SMAD2: variants seen among roughly 807,000 people sequenced by gnomAD.
SMAD2 encodes the protein MAD homolog 2.
A neutral mutation model predicts 64.4 loss-of-function variants in SMAD2; 8 were observed. The observed-to-expected ratio is 0.12, with a 90% confidence interval of 0.07 to 0.22. The LOEUF (loss-of-function observed/expected upper bound fraction) is 0.22. Among genes scored for constraint, SMAD2 ranks in the 10% least tolerant of loss-of-function variants. The probability of loss-of-function intolerance (pLI) is 1.00; values close to 1 mark genes in which losing one functional copy is unlikely to be tolerated. For missense variants in SMAD2, 289 were observed against 561.2 expected (o/e 0.51, Z 4.90); for synonymous variants, 203 against 195.8 (o/e 1.04, Z -0.31).
chr18:47,906,746 G>A (rs1229036126), intron 1 of SMAD2, among the ~76,000 whole-genome samples: 1 of 152,068 alleles, frequency 6.6e-6, no homozygotes, highest in African/African-American at 2.4e-5. Context: ...GCTTCTAGTG[G>A]TTACCTGTAG....
At position 47,829,919 on chromosome 18, in the gene SMAD2, AG is replaced by A. The variant is rs1432523723; in HGVS notation, c.*11907del. ...AAATTTTGTCAGTGGTTTTCATTTTAGAATTAAAAATTTGAATTTCCCTTTG... is the reference window on the plus strand; with the variant it reads ...AAATTTTGTCAGTGGTTTTCATTTTAAATTAAAAATTTGAATTTCCCTTTG... On this transcript the variant is annotated 3_prime_UTR_variant, in exon 11 of 11. Coordinates refer to ENST00000262160, the MANE Select transcript of SMAD2 (RefSeq NM_005901.6). 23 of 152,244 alleles carry A rather than the reference AG, an allele frequency of 1.5e-4. No homozygotes were observed. The highest frequency in any genetic ancestry group is 2.5e-4 in the Non-Finnish European group (17 of 68,044). 9.4% of individuals were successfully genotyped at this position (152,244 alleles called of 1,614,324 possible). A position where few individuals can be genotyped will look rare whatever the true frequency, so the allele number is the denominator to read the frequency against.
rs1354341910 is a variant in SMAD2, at chr18:47,836,017, G to A, written c.*5810C>T. 3 of 213,040 alleles carry A rather than the reference G, an allele frequency of 1.4e-5. No homozygotes were observed. Among genetic ancestry groups the A allele is most frequent in the Non-Finnish European group, 1.9e-5 (2 of 105,476 alleles). 13.2% of individuals were successfully genotyped at this position (213,040 alleles called of 1,614,324 possible). On this transcript the variant is annotated 3_prime_UTR_variant, in exon 11 of 11. Coordinates refer to ENST00000262160, the MANE Select transcript of SMAD2 (RefSeq NM_005901.6). ...GGGACTCTTATATCTAAGCAATGGT[G>A]AAGTTCTGGATTCATTATGGATCTC...
At chr18:47,902,094 A>G (rs2033708137) in intron 1 of SMAD2, among the ~76,000 whole-genome samples, 1 of 152,144 alleles carries the variant, frequency 6.6e-6, no homozygotes, top group Non-Finnish European at 1.5e-5. Context: ...AGAATTTAGG[A>G]ATATACTGAG....
chr18:47,872,704 C>A (rs777746486), intron 2 of SMAD2, among the ~76,000 whole-genome samples: 1 of 151,982 alleles, frequency 6.6e-6, no homozygotes, highest in South Asian at 2.1e-4. Context: ...ACTGCACATG[C>A]GAGGGCTTTA....
intron 2 of SMAD2, among the ~76,000 whole-genome samples, chr18:47,888,866 T>G (rs1379633467): frequency 6.6e-6 from 1 of 152,054 alleles, no homozygotes; most frequent in Admixed American, 6.6e-5. Context: ...CAACAGATGA[T>G]CCAGACATTA....
At chr18:47,876,380 A>C (rs1201262990) in intron 2 of SMAD2, among the ~76,000 whole-genome samples, 2 of 152,066 alleles carry the variant, frequency 1.3e-5, no homozygotes, top group African/African-American at 4.8e-5. Flanking sequence ...ACTAACTACA[A>C]TGATGTCCCT....
At chr18:47,890,037 T>C (rs2033117471) in intron 2 of SMAD2, among the ~76,000 whole-genome samples, 1 of 152,136 alleles carries the variant, frequency 6.6e-6, no homozygotes, top group South Asian at 2.1e-4. Flanking sequence ...ATAAGGTAAG[T>C]GATAAAAATG....
At chr18:47,862,131 T>C (rs559405498) in intron 6 of SMAD2, among the ~76,000 whole-genome samples, 2 of 152,322 alleles carry the variant, frequency 1.3e-5, no homozygotes, top group South Asian at 2.1e-4. Flanking sequence ...AAAATTAAAA[T>C]GTATTTTCTA....
At chr18:47,869,547 G>A in intron 3 of SMAD2, 111 bp from the exon 4 acceptor site, 1 of 772,520 alleles carries the variant, frequency 1.3e-6, no homozygotes. Context: ...AAGAATGACA[G>A]CCATTTAGTT....
At chr18:47,880,467 A>T (rs932539307) in intron 2 of SMAD2, among the ~76,000 whole-genome samples, 5 of 152,168 alleles carry the variant, frequency 3.3e-5, no homozygotes, top group Non-Finnish European at 5.9e-5. Context: ...ATGTGGGGCT[A>T]TCTTATCTGT....
intron 10 of SMAD2, among the ~76,000 whole-genome samples, chr18:47,844,466 T>C (rs1914295735): frequency 6.6e-6 from 1 of 151,948 alleles, no homozygotes; most frequent in South Asian, 2.1e-4. Flanking sequence ...CTTCTCTCTC[T>C]TTGATGTGAA....
rs867785208 is a variant in SMAD2, at chr18:47,885,152, C to T, written c.236+11369G>A. 1.1e-3 allele frequency among the ~76,000 whole-genome samples: 167 copies of T among 149,354 alleles called. 3 individuals carry two copies. The highest frequency in any genetic ancestry group is 2.3e-3 in the Admixed American group (35 of 14,978). Reference sequence around the variant, plus strand: ...TCATATACACACACACACACACACACACACACACACACACACACACACACA... The same window carrying T: ...TCATATACACACACACACACACACATACACACACACACACACACACACACA... On this transcript the variant is annotated intron_variant, in intron 2 of 10. Transcript: ENST00000262160.
At chr18:47,844,070 T>C (rs746746984) in intron 10 of SMAD2, among the ~76,000 whole-genome samples, 1 of 152,160 alleles carries the variant, frequency 6.6e-6, no homozygotes, top group Non-Finnish European at 1.5e-5. Flanking sequence ...TCAGCATTCT[T>C]AACAGGTAAC....
chr18:47,928,715 T>C (rs930365198), intron 1 of SMAD2, among the ~76,000 whole-genome samples: 1 of 152,248 alleles, frequency 6.6e-6, no homozygotes, highest in Non-Finnish European at 1.5e-5. Flanking sequence ...CAAACTTTTG[T>C]TGAACACCTA....
chr18:47,885,721 G>A (rs534908142), intron 2 of SMAD2, among the ~76,000 whole-genome samples: 2 of 152,212 alleles, frequency 1.3e-5, no homozygotes, highest in South Asian at 4.2e-4. Context: ...CAGCACTTTG[G>A]GAGGCTGAGG....
intron 6 of SMAD2, among the ~76,000 whole-genome samples, chr18:47,853,951 T>C (rs1317456898): frequency 6.6e-6 from 1 of 152,202 alleles, no homozygotes; most frequent in South Asian, 2.1e-4. Flanking sequence ...TTTACTCCTC[T>C]ATTAAATACT....
In SMAD2 at chr18:47,850,397, T is replaced by C. The variant is rs1301451313; in HGVS notation, c.784+877A>G. ...ATTATATATATTATATAATATATATTATATATTATGTATAATATATATAAT... is the reference window on the plus strand; with the variant it reads ...ATTATATATATTATATAATATATATCATATATTATGTATAATATATATAAT... On this transcript the variant is annotated intron_variant, in intron 7 of 10. Coordinates refer to ENST00000262160, the MANE Select transcript of SMAD2 (RefSeq NM_005901.6). Among the ~76,000 whole-genome samples, 11 of 19,190 alleles carry C rather than the reference T, an allele frequency of 5.7e-4. 2 individuals carry two copies. The highest frequency in any genetic ancestry group is 9.7e-4 in the African/African-American group (2 of 2,056). The allele number at this position is 19,190 out of a possible 152,430, so 12.6% of individuals were successfully genotyped here.
At chr18:47,862,337 A>T (rs940888074) in intron 6 of SMAD2, among the ~76,000 whole-genome samples, 4 of 152,168 alleles carry the variant, frequency 2.6e-5, no homozygotes, top group Non-Finnish European at 4.4e-5. Context: ...AACAACAGAA[A>T]TTTATTTTTT....
At position 47,829,103 on chromosome 18, in the gene SMAD2, G is replaced by A. The variant is rs1467622006; in HGVS notation, c.*12724C>T. On this transcript the variant is annotated 3_prime_UTR_variant, in exon 11 of 11. Transcript: ENST00000262160. The stretch of plus-strand genomic sequence containing the variant: ...TTCCCTGTGAATGAGAACAGAAAAA[G>A]TTCAGGAGCCACCAGAGGATGTTAA... 6.6e-6 allele frequency: 1 copy of A among 152,100 alleles called. No individual in the cohort carries two copies. The highest frequency in any genetic ancestry group is 2.4e-5 in the African/African-American group (1 of 41,406). The allele number at this position is 152,100 out of a possible 1,614,324, so 9.4% of individuals were successfully genotyped here.
Sources: gnomAD v4.1 joint callset for allele counts (sites outside exome capture counted in the v4.1 genomes callset) on GRCh38, gnomAD v4.1.1 for gene constraint, MANE v1.5 for transcripts, NCBI Gene and HGNC (gene_info 2026-07-23, HGNC 2026-07-21) for gene names.